The following COMMD9 variants were observed in gnomAD, a reference collection of about 807,000 sequenced individuals.
COMMD9 encodes COMM domain-containing protein 9.
COMMD9 carries 22 observed loss-of-function variants against 23.4 expected under a neutral mutation model. The observed-to-expected ratio is 0.94, with a 90% CI of 0.67 to 1.34. COMMD9 has a LOEUF of 1.34. Ranked by LOEUF, COMMD9 falls within the 40% of genes most tolerant of loss-of-function variation. COMMD9 has a pLI of 0.00. For missense variants in COMMD9, 231 were observed against 240.2 expected (o/e 0.96, Z 0.25); for synonymous variants, 99 against 97.4 (o/e 1.02, Z -0.10).
chr11:36,275,171 G>C (rs1044079400), intron 5 of COMMD9, among the ~76,000 whole-genome samples: 1 of 152,160 alleles, frequency 6.6e-6, no homozygotes, highest in Middle Eastern at 3.2e-3. Context: ...ACAACCTTTA[G>C]TTTTAAAAAA....
At position 36,276,239 on chromosome 11, in the gene COMMD9, G is replaced by C; in HGVS notation, c.354C>G (p.Ile118Met). The C allele has an allele frequency of 6.2e-7, 1 of 1,610,162 alleles. No individual in the cohort carries two copies. Among genetic ancestry groups the C allele is most frequent in the East Asian group, 2.2e-5 (1 of 44,866 alleles). Residue 118 changes from isoleucine (I) to methionine (M), a missense_variant and splice_region_variant, in exon 5 of 6, where the codon ATC becomes ATG. Physicochemically the swap from Ile to Met is conservative, Grantham distance 10. Coordinates refer to ENST00000263401, the MANE Select transcript of COMMD9 (RefSeq NM_014186.4). ...TWRTEAQANQ[I>M]SLPRLVDLDW... is the part of the protein sequence containing the mutation. ...CCAGATCGACCAGGCGTGGCAGAGA[G>C]ACTGTGGAAGGAACAGCTCAGCTCA...
At chr11:36,276,094 G>T in intron 5 of COMMD9, 43 bp downstream of exon 5, 1 of 1,420,652 alleles carries the variant, frequency 7.0e-7, no homozygotes, top group Non-Finnish European at 1.0e-6. Flanking sequence ...GACGGCCATA[G>T]GGGTGCTGCC....
intron 5 of COMMD9, 118 bp downstream of exon 5, chr11:36,276,019 A>C (rs749070572): frequency 4.1e-5 from 28 of 685,764 alleles, no homozygotes; most frequent in Non-Finnish European, 6.5e-5. Flanking sequence ...AAGGAGGATA[A>C]AGGGGATGGT....
At chr11:36,276,588 G>T in intron 4 of COMMD9, 1 of 240,320 alleles carries the variant, frequency 4.2e-6, no homozygotes, top group Non-Finnish European at 8.2e-6. Context: ...AGTGGTAAGA[G>T]CTCTTGTTTT....
chr11:36,277,130 A>C lies in COMMD9; in HGVS notation c.318-7T>G. The C allele has an allele frequency of 2.5e-6, 4 of 1,586,758 alleles. No homozygotes were observed. The highest frequency in any genetic ancestry group is 3.4e-6 in the Non-Finnish European group (4 of 1,166,264). On this transcript the variant is annotated splice_region_variant and splice_polypyrimidine_tract_variant and intron_variant, in intron 3 of 5. Coordinates refer to ENST00000263401, the MANE Select transcript of COMMD9 (RefSeq NM_014186.4). ...TTCGGTTCTCCAAGTAGACCTGTTT[A>C]AGAGGGAAAGATGAGGAAAAAATAA... is the stretch of plus-strand genomic sequence containing the variant.
intron 5 of COMMD9, among the ~76,000 whole-genome samples, chr11:36,275,265 G>A (rs1307714739): frequency 1.3e-5 from 2 of 152,044 alleles, no homozygotes; most frequent in Admixed American, 1.3e-4. Flanking sequence ...TAACTTTCTG[G>A]GTGTCTGGTT....
chr11:36,277,955 T>G (rs1047431258), intron 3 of COMMD9, among the ~76,000 whole-genome samples: 1 of 152,132 alleles, frequency 6.6e-6, no homozygotes, highest in African/African-American at 2.4e-5. Context: ...GGCCAAACCC[T>G]CAAAATGTCC....
intron 5 of COMMD9, 61 bp from the exon 6 acceptor site, chr11:36,274,833 G>T (rs905790699): frequency 6.3e-7 from 1 of 1,599,470 alleles, no homozygotes; most frequent in East Asian, 2.2e-5. Flanking sequence ...CCCTGTAAGT[G>T]AGCCCTGAAC....
Position 36,276,122 on chromosome 11 carries a change from T to A in COMMD9, c.456+15A>T, listed in dbSNP as rs1298468748. The A allele has an allele frequency of 1.9e-6, 3 of 1,587,770 alleles. No individual in the cohort carries two copies. Among genetic ancestry groups the A allele is most frequent in the Non-Finnish European group, 2.6e-6 (3 of 1,156,146 alleles). ...GTGCTGCCTCTTCTTTCTAATGGCA[T>A]GATAGTGAATGTACCTTCATCTGGA... On this transcript the variant is annotated intron_variant, in intron 5 of 5. Coordinates refer to ENST00000263401, the MANE Select transcript of COMMD9 (RefSeq NM_014186.4).
rs1304509002 is a variant in COMMD9 at position 36,276,132 on chromosome 11, T to G, written c.456+5A>C. On this transcript the variant is annotated splice_donor_5th_base_variant and intron_variant, in intron 5 of 5. Coordinates refer to ENST00000263401, the MANE Select transcript of COMMD9 (RefSeq NM_014186.4). ...TTCTTTCTAATGGCATGATAGTGAA[T>G]GTACCTTCATCTGGAGCAGGCAGGT... The G allele has an allele frequency of 2.5e-6, 4 of 1,607,608 alleles. No homozygotes were observed. The highest frequency in any genetic ancestry group is 1.1e-5 in the South Asian group (1 of 90,940).
chr11:36,281,776 C>T (rs988243210), intron 1 of COMMD9, among the ~76,000 whole-genome samples: 1 of 152,054 alleles, frequency 6.6e-6, no homozygotes, highest in Non-Finnish European at 1.5e-5. Flanking sequence ...AAACCAAGAA[C>T]CAGAAAGATC....
chr11:36,285,843 T>C (rs1856142550), intron 1 of COMMD9, among the ~76,000 whole-genome samples: 1 of 152,304 alleles, frequency 6.6e-6, no homozygotes, highest in Admixed American at 6.5e-5. Flanking sequence ...ACATCCATTA[T>C]TGATAAAAGC....
At chr11:36,280,603 G>A (rs1234347587) in intron 2 of COMMD9, 109 bp downstream of exon 2, 3 of 1,138,570 alleles carry the variant, frequency 2.6e-6, no homozygotes, top group Admixed American at 2.6e-5. Flanking sequence ...TTGCTACAGT[G>A]TCAACAGATG....
intron 3 of COMMD9, among the ~76,000 whole-genome samples, chr11:36,277,792 G>A (rs1856000148): frequency 1.3e-5 from 2 of 151,912 alleles, no homozygotes; most frequent in South Asian, 4.2e-4. Flanking sequence ...CAAAGATAGG[G>A]ACACTGAAAT....
chr11:36,289,165 T>TA (rs758134956), intron 1 of COMMD9, among the ~76,000 whole-genome samples, 197 bp downstream of exon 1: 2 of 152,152 alleles, frequency 1.3e-5, no homozygotes, highest in Non-Finnish European at 2.9e-5. Context: ...TTTTTTATCT[T>TA]ACGTTCCTGT....
intron 4 of COMMD9, 64 bp from the exon 5 acceptor site, chr11:36,276,304 G>A (rs570381093): frequency 8.5e-6 from 10 of 1,177,482 alleles, no homozygotes; most frequent in East Asian, 7.0e-5. Context: ...TTTATTGTAC[G>A]ACAGGCGGCT....
intron 4 of COMMD9, chr11:36,276,715 A>C: frequency 4.9e-6 from 1 of 204,146 alleles, no homozygotes; most frequent in Non-Finnish European, 9.9e-6. Flanking sequence ...ACTTGAGCAG[A>C]TTAACTGCTC....
In COMMD9 at chr11:36,274,617, T is replaced by C. The variant is rs760905099; in HGVS notation, c.*15A>G. 7 of 1,613,986 alleles carry C rather than the reference T, an allele frequency of 4.3e-6. No individual in the cohort carries two copies. The highest frequency in any genetic ancestry group is 1.6e-4 in the Middle Eastern group (1 of 6,074). On this transcript the variant is annotated 3_prime_UTR_variant, in exon 6 of 6. Coordinates refer to ENST00000263401, the MANE Select transcript of COMMD9 (RefSeq NM_014186.4). ...AGCAGCTGGGTCATGGCAGTGGCCC[T>C]GGCAGCTGGCTGGATCATTTACTGG...
At chr11:36,275,365 A>G (rs1349447751) in intron 5 of COMMD9, among the ~76,000 whole-genome samples, 1 of 152,358 alleles carries the variant, frequency 6.6e-6, no homozygotes, top group South Asian at 2.1e-4. Flanking sequence ...AAATAACTAT[A>G]AAATGAAGAC....
Sources: gnomAD v4.1 joint callset for allele counts (sites outside exome capture counted in the v4.1 genomes callset) on GRCh38, gnomAD v4.1.1 for gene constraint, MANE v1.5 for transcripts, NCBI Gene and HGNC (gene_info 2026-07-23, HGNC 2026-07-21) for gene names.